KIAA1217: variants seen among roughly 807,000 people sequenced by gnomAD.
KIAA1217 encodes the protein KIAA1217.
Under a neutral mutation model 163.9 loss-of-function variants are expected in KIAA1217, and 88 were observed. That is an observed-to-expected ratio of 0.54 (90% CI 0.45 to 0.64). The LOEUF is 0.64. Ranked by LOEUF, KIAA1217 falls within the 30% of genes least tolerant of loss-of-function variation. The pLI is 0.00. For missense variants in KIAA1217, 2,372 were observed against 2,475.0 expected, an observed-to-expected ratio of 0.96 and a Z score of 0.88; for synonymous variants, 903 against 923.1, an observed-to-expected ratio of 0.98 and a Z score of 0.39.
chr10:23,969,689 T>C (rs1391916453), intron 1 of KIAA1217, among the ~76,000 whole-genome samples: 1 of 152,246 alleles, frequency 6.6e-6, no homozygotes, highest in Non-Finnish European at 1.5e-5. Flanking sequence ...AGTCCCTTTA[T>C]CAAATATATG....
intron 2 of KIAA1217, among the ~76,000 whole-genome samples, chr10:24,075,606 C>CT (rs1275191864): frequency 0.052 from 7,145 of 138,002 alleles, 526 homozygotes; most frequent in African/African-American, 0.16. Flanking sequence ...AGCATTTTAT[C>CT]TTTTTTTTTT....
At chr10:24,205,630 G>A (rs928217656), upstream of KIAA1217, among the ~76,000 whole-genome samples, 2 of 148,488 alleles carry the variant, frequency 1.3e-5, no homozygotes, top group African/African-American at 5.0e-5. Flanking sequence ...AAAGTTAGCT[G>A]GGCGTGGTGG....
intron 2 of KIAA1217, among the ~76,000 whole-genome samples, chr10:24,226,156 G>GAA (rs957150399): frequency 6.9e-6 from 1 of 144,656 alleles, no homozygotes; most frequent in African/African-American, 2.5e-5. Context: ...AGGTCTCCAG[G>GAA]AAAAAAAAAA....
intron 1 of KIAA1217, among the ~76,000 whole-genome samples, chr10:23,986,690 C>T (rs1394857347): frequency 6.6e-6 from 1 of 152,154 alleles, no homozygotes; most frequent in Non-Finnish European, 1.5e-5. Flanking sequence ...GCTTCCTGTG[C>T]TAATCCCTTT....
intron 2 of KIAA1217, among the ~76,000 whole-genome samples, chr10:24,161,717 T>C (rs984836092): frequency 6.6e-6 from 1 of 152,198 alleles, no homozygotes; most frequent in African/African-American, 2.4e-5. Flanking sequence ...CACACCAGCC[T>C]CTCAGGCACT....
intron 1 of KIAA1217, among the ~76,000 whole-genome samples, chr10:23,793,666 A>G (rs1016260589): frequency 5.3e-5 from 8 of 152,302 alleles, no homozygotes; most frequent in Middle Eastern, 3.4e-3. Flanking sequence ...ACATTTTTTC[A>G]TATAAAATGT....
intron 1 of KIAA1217, among the ~76,000 whole-genome samples, chr10:23,715,934 C>T (rs1204846048): frequency 6.6e-6 from 1 of 152,112 alleles, no homozygotes; most frequent in East Asian, 1.9e-4. Context: ...AAGGGAAACA[C>T]ATTGCACCAA....
At chr10:23,781,861 C>A (rs1474073166) in intron 1 of KIAA1217, among the ~76,000 whole-genome samples, 1 of 152,048 alleles carries the variant, frequency 6.6e-6, no homozygotes, top group Non-Finnish European at 1.5e-5. Context: ...ATGCTCTTGT[C>A]AAAAATTTGT....
chr10:23,991,714 C>T (rs983821826), intron 1 of KIAA1217, among the ~76,000 whole-genome samples: 3 of 151,954 alleles, frequency 2.0e-5, no homozygotes, highest in Non-Finnish European at 2.9e-5. Context: ...CCATGACGTA[C>T]GATATAATTA....
chr10:24,177,565 A>G (rs2065971843), intron 2 of KIAA1217, among the ~76,000 whole-genome samples: 1 of 151,786 alleles, frequency 6.6e-6, no homozygotes, highest in African/African-American at 2.4e-5. Flanking sequence ...AGAACTACAG[A>G]CATTTTTTGA....
chr10:24,374,629 T>C (rs988498909), intron 2 of KIAA1217, among the ~76,000 whole-genome samples: 1 of 152,160 alleles, frequency 6.6e-6, no homozygotes, highest in African/African-American at 2.4e-5. Flanking sequence ...ATCATGGGTG[T>C]CTCAGTCTAT....
At chr10:24,446,143 AT>A (rs2060915175) in intron 5 of KIAA1217, among the ~76,000 whole-genome samples, 1 of 152,044 alleles carries the variant, frequency 6.6e-6, no homozygotes, top group South Asian at 2.1e-4. Context: ...GATGATGAGC[AT>A]TTTTTCATGT....
chr10:24,457,842 T>C (rs2061965287), intron 5 of KIAA1217, among the ~76,000 whole-genome samples: 1 of 152,146 alleles, frequency 6.6e-6, no homozygotes, highest in South Asian at 2.1e-4. Context: ...AGCTCCTTAC[T>C]CTCGGTAGGC....
At chr10:24,205,924 T>C (rs1391935702), upstream of KIAA1217, among the ~76,000 whole-genome samples, 1 of 152,254 alleles carries the variant, frequency 6.6e-6, no homozygotes, top group Non-Finnish European at 1.5e-5. Context: ...GCCATTTACG[T>C]TGCGTTATCA....
chr10:24,393,618 G>A (rs1438290105), intron 3 of KIAA1217, among the ~76,000 whole-genome samples: 3 of 152,190 alleles, frequency 2.0e-5, no homozygotes, highest in Non-Finnish European at 4.4e-5. Context: ...GCTGTATTTG[G>A]AGGTAGGAAC....
At chr10:24,282,156 C>G (rs906108302) in intron 2 of KIAA1217, among the ~76,000 whole-genome samples, 1 of 152,050 alleles carries the variant, frequency 6.6e-6, no homozygotes, top group East Asian at 1.9e-4. Context: ...GCTCTTGAAG[C>G]CAAGGGTTCA....
chr10:24,398,389 T>C (rs2130987191), intron 3 of KIAA1217, among the ~76,000 whole-genome samples: 1 of 152,286 alleles, frequency 6.6e-6, no homozygotes, highest in East Asian at 1.9e-4. Context: ...ATCCACATAC[T>C]GTTAAGAATG....
chr10:24,184,017 C>T (rs998267320), intron 2 of KIAA1217, among the ~76,000 whole-genome samples: 2 of 152,220 alleles, frequency 1.3e-5, no homozygotes, highest in African/African-American at 2.4e-5. Context: ...GACAATCACC[C>T]CTTTCTGAGT....
intron 2 of KIAA1217, among the ~76,000 whole-genome samples, chr10:24,370,004 G>A (rs889569250): frequency 1.3e-5 from 2 of 152,190 alleles, no homozygotes; most frequent in South Asian, 4.1e-4. Context: ...GGCGGCTCAC[G>A]CCTGTAATCC....
Sources: gnomAD v4.1 joint callset for allele counts (sites outside exome capture counted in the v4.1 genomes callset) on GRCh38, gnomAD v4.1.1 for gene constraint, MANE v1.5 for transcripts, NCBI Gene and HGNC (gene_info 2026-07-23, HGNC 2026-07-21) for gene names.